The following SLC37A1 variants were observed in gnomAD, a reference collection of about 807,000 sequenced individuals.
The protein encoded by SLC37A1 is glucose-6-phosphate exchanger SLC37A1.
In SLC37A1, 49 loss-of-function variants were observed where a neutral mutation model predicts 75.3. The observed-to-expected ratio is 0.65, with a 90% CI of 0.52 to 0.83. SLC37A1 has a LOEUF of 0.83. SLC37A1 is among the 40% of genes least tolerant of loss of function. The probability of loss-of-function intolerance (pLI) is 0.00; values close to 1 mark genes in which losing one functional copy is unlikely to be tolerated. For synonymous variants in SLC37A1, 268 were observed against 292.1 expected (o/e 0.92, Z 0.84); for missense variants, 566 against 695.0 (o/e 0.81, Z 2.09).
chr21:42,504,984 A>T lies in SLC37A1; in HGVS notation c.-179+2567A>T, dbSNP rs148796234. Among the ~76,000 whole-genome samples the T allele has an allele frequency of 2.3e-3, 357 of 152,112 alleles. 3 individuals carry two copies. The highest frequency in any genetic ancestry group is 8.2e-3 in the African/African-American group (342 of 41,508). ...CTTCCTTCCAAATTATTCCAAATCCATCTACTTTTTTCCATTCCCACTGCT... is the reference window on the plus strand; with the variant it reads ...CTTCCTTCCAAATTATTCCAAATCCTTCTACTTTTTTCCATTCCCACTGCT... On this transcript the variant is annotated intron_variant, in intron 2 of 20. Transcript: ENST00000398341.
chr21:42,522,841 G>C (rs1427156134), intron 2 of SLC37A1, among the ~76,000 whole-genome samples: 1 of 152,244 alleles, frequency 6.6e-6, no homozygotes, highest in Admixed American at 6.5e-5. Flanking sequence ...AAAGGTTCCA[G>C]AGGCATGTGC....
rs1427708086 is a variant in SLC37A1, at chr21:42,514,053, C to G, written c.-843C>G. ...TGCGGCGCCCTCAGGGAGCCGGGCGCGGGGCCCTGCGCACTCGGAGCTCGG... is the reference window on the plus strand; with the variant it reads ...TGCGGCGCCCTCAGGGAGCCGGGCGGGGGGCCCTGCGCACTCGGAGCTCGG... On this transcript the variant is annotated 5_prime_UTR_variant, in exon 1 of 20. Transcript: ENST00000352133. This position sits in a 1 kb window ranked among gnomAD's most constrained non-coding sequence, Gnocchi z 4.8. 2.0e-5 allele frequency: 3 copies of G among 149,722 alleles called. No individual in the cohort carries two copies. Among genetic ancestry groups the G allele is most frequent in the African/African-American group, 4.9e-5 (2 of 40,844 alleles). 9.3% of individuals were successfully genotyped at this position (149,722 alleles called of 1,614,324 possible). A position where few individuals can be genotyped will look rare whatever the true frequency, so the allele number is the denominator to read the frequency against.
chr21:42,531,823 A>G (rs1042627852), intron 3 of SLC37A1, among the ~76,000 whole-genome samples: 2 of 152,216 alleles, frequency 1.3e-5, no homozygotes, highest in Admixed American at 1.3e-4. Flanking sequence ...ATATCCTCAG[A>G]ACTCTTTGTG....
At chr21:42,565,167 T>C (rs1026613582) in intron 14 of SLC37A1, among the ~76,000 whole-genome samples, 6 of 152,254 alleles carry the variant, frequency 3.9e-5, no homozygotes, top group Non-Finnish European at 8.8e-5. Context: ...AGGCATTTCG[T>C]AGCTCCTGAC....
In SLC37A1 at chr21:42,501,585, G is replaced by A. The variant is rs1056438611; in HGVS notation, c.-300-711G>A. 1.2e-4 allele frequency among the ~76,000 whole-genome samples: 19 copies of A among 152,218 alleles called. 1 individual carries two copies. The highest frequency in any genetic ancestry group is 4.1e-4 in the South Asian group (2 of 4,826). On this transcript the variant is annotated intron_variant, in intron 1 of 20. Transcript: ENST00000398341. The stretch of plus-strand genomic sequence containing the variant: ...AAATTAGCTGGGCATGGTGGCGGGC[G>A]CCTGTAATCCCAGCCACTCAGGAGG...
At chr21:42,563,932 C>T (rs1257873545) in intron 13 of SLC37A1, 55 bp downstream of exon 13, 1 of 1,590,062 alleles carries the variant, frequency 6.3e-7, no homozygotes, top group African/African-American at 1.3e-5. Context: ...GGCGCATGAT[C>T]TCTGAGTTGA....
chr21:42,542,652 A>G (rs1016336886), intron 7 of SLC37A1, among the ~76,000 whole-genome samples, 172 bp downstream of exon 7: 1 of 152,264 alleles, frequency 6.6e-6, no homozygotes, highest in Non-Finnish European at 1.5e-5. Flanking sequence ...GTCCCACGAG[A>G]CAGGGGAGCT....
chr21:42,532,475 T>C (rs916581726), intron 3 of SLC37A1, among the ~76,000 whole-genome samples: 1 of 152,200 alleles, frequency 6.6e-6, no homozygotes, highest in African/African-American at 2.4e-5. Flanking sequence ...AGGTGAATTG[T>C]AGTGGCGATG....
In SLC37A1 at chr21:42,580,305, C is replaced by G. The variant is rs143286869; in HGVS notation, c.1587-40C>G. 8.1e-3 allele frequency: 13,013 copies of G among 1,606,084 alleles called. 70 individuals are homozygous for G. Among genetic ancestry groups the G allele is most frequent in the Non-Finnish European group, 9.6e-3 (11,348 of 1,176,218 alleles). ...TTCAGCATCTCTTGCTGAGCCACTG[C>G]TGGCTGTTAGAGCAGCTCTTCTTTC... is the stretch of plus-strand genomic sequence containing the variant. On this transcript the variant is annotated intron_variant, in intron 19 of 19. Transcript: ENST00000352133.
Position 42,563,851 on chromosome 21 carries a change from C to T in SLC37A1, c.1109C>T (p.Thr370Ile), listed in dbSNP as rs1162988628. 1.9e-6 allele frequency: 3 copies of T among 1,614,092 alleles called. No individual in the cohort carries two copies. The highest frequency in any genetic ancestry group is 2.2e-5 in the South Asian group (2 of 91,086). Residue 370 changes from threonine to isoleucine, a missense_variant, in exon 13 of 20, where the codon ACC becomes ATC. Transcript: ENST00000352133. ...GCCAAAAAGGCGGGGGAGCTCTCCA[C>T]CCTGTTTGACGTGGGCGGAATCTTT... ...LDAKKAGELS[T>I]LFDVGGIFGG...
intron 7 of SLC37A1, 122 bp downstream of exon 7, chr21:42,542,602 A>C: frequency 2.1e-6 from 2 of 934,012 alleles, no homozygotes; most frequent in Non-Finnish European, 3.2e-6. Flanking sequence ...AGATGGCTGA[A>C]ACCTCTGGGG....
intron 17 of SLC37A1, among the ~76,000 whole-genome samples, chr21:42,570,667 G>A (rs952304862): frequency 1.1e-4 from 17 of 152,166 alleles, no homozygotes; most frequent in African/African-American, 3.1e-4. Flanking sequence ...TGGCAACCCC[G>A]ATTGCTGTTT....
intron 17 of SLC37A1, among the ~76,000 whole-genome samples, chr21:42,574,048 T>G (rs780540702): frequency 6.6e-6 from 1 of 152,084 alleles, no homozygotes; most frequent in Non-Finnish European, 1.5e-5. Flanking sequence ...CACACACACA[T>G]ATATGCACAC....
intron 9 of SLC37A1, among the ~76,000 whole-genome samples, chr21:42,551,635 A>G (rs1357725983): frequency 1.3e-5 from 2 of 152,254 alleles, no homozygotes; most frequent in Non-Finnish European, 2.9e-5. Context: ...TTTAAAATCT[A>G]TAATCCTTTC....
Position 42,514,314 on chromosome 21 carries a change from C to T in SLC37A1, c.-582C>T, listed in dbSNP as rs2054481064. On this transcript the variant is annotated 5_prime_UTR_variant, in exon 1 of 20. Transcript: ENST00000352133. The surrounding 1 kb of genome is among the most constrained non-coding windows in gnomAD (Gnocchi z 4.8). Reference sequence around the variant, plus strand: ...GGGGCCGGCAGCCGCTCCACGGAGTCCCCGGCAGGGGCGAGCTTAGCTGTC... The same window carrying T: ...GGGGCCGGCAGCCGCTCCACGGAGTTCCCGGCAGGGGCGAGCTTAGCTGTC... 1 of 152,184 alleles carries T rather than the reference C, an allele frequency of 6.6e-6. No homozygotes were observed. Among genetic ancestry groups the T allele is most frequent in the African/African-American group, 2.4e-5 (1 of 41,452 alleles). 9.4% of individuals were successfully genotyped at this position (152,184 alleles called of 1,614,324 possible).
Position 42,567,002 on chromosome 21 carries a change from G to T in SLC37A1, c.1288G>T (p.Gly430Ter). Reference sequence around the variant, plus strand: ...TCCCACAGCCATGCTGCTGCTCAGCGGAGCCCTGGTCAGTGGGCCCTACAC... The same window carrying T: ...TCCCACAGCCATGCTGCTGCTCAGCTGAGCCCTGGTCAGTGGGCCCTACAC... ...EATIAMLLLS[G>*]ALVSGPYTLI... is the part of the protein sequence containing the mutation. The change falls in exon 16 of 20, where the codon GGA (glycine) becomes TGA (stop). Residue 430 changes from glycine (G) to a stop codon, truncating the protein, a stop_gained. Coordinates refer to ENST00000352133, the MANE Select transcript of SLC37A1 (RefSeq NM_001320537.2). LOFTEE classifies it high-confidence loss of function. 1 of 1,608,054 alleles carries T rather than the reference G, an allele frequency of 6.2e-7. No individual in the cohort carries two copies. Among genetic ancestry groups the T allele is most frequent in the Non-Finnish European group, 8.5e-7 (1 of 1,179,906 alleles).
At position 42,559,033 on chromosome 21, in the gene SLC37A1, G is replaced by A. The variant is rs757234787; in HGVS notation, c.925G>A (p.Gly309Arg). Residue 309 changes from glycine (G) to arginine (R), a missense_variant, in exon 11 of 20, where the codon GGG becomes AGG. Coordinates refer to ENST00000352133, the MANE Select transcript of SLC37A1 (RefSeq NM_001320537.2). ...CCCGAACCACGTCGTCATTCTCCCC[G>A]GGGACGGTGGGAGTGGCACGGCCGC... is the stretch of plus-strand genomic sequence containing the variant. The part of the protein sequence containing the change: ...IHPNHVVILP[G>R]DGGSGTAAIS... 17 of 1,613,500 alleles carry A rather than the reference G, an allele frequency of 1.1e-5. No individual in the cohort carries two copies. The highest frequency in any genetic ancestry group is 6.7e-5 in the East Asian group (3 of 44,828).
chr21:42,541,404 A>G (rs1601712840), intron 6 of SLC37A1, among the ~76,000 whole-genome samples: 1 of 152,012 alleles, frequency 6.6e-6, no homozygotes, highest in Non-Finnish European at 1.5e-5. Flanking sequence ...ACCCTGCTCT[A>G]GAGAGCTGGC....
At chr21:42,579,598 G>A in intron 18 of SLC37A1, 138 bp from the exon 19 acceptor site, 1 of 365,044 alleles carries the variant, frequency 2.7e-6, no homozygotes, top group Non-Finnish European at 4.4e-6. Flanking sequence ...CTCTTGCAGG[G>A]AGGCCACCCC....
Sources: gnomAD v4.1 joint callset for allele counts (sites outside exome capture counted in the v4.1 genomes callset) on GRCh38, gnomAD v4.1.1 for gene constraint, Gnocchi (gnomAD v3.1) non-coding constraint, MANE v1.5 for transcripts, NCBI Gene and HGNC (gene_info 2026-07-23, HGNC 2026-07-21) for gene names.